Variants in POGLUT1 observed in about 807,000 individuals in gnomAD.
The protein encoded by POGLUT1 is 9630046K23Rik.
A neutral mutation model predicts 61.3 loss-of-function variants in POGLUT1; 32 were observed. The ratio of observed to expected loss-of-function variants is 0.52; its 90% CI spans 0.39 to 0.70. The LOEUF (loss-of-function observed/expected upper bound fraction) is 0.70, where lower values mean the gene tolerates loss of function less well. Ranked by LOEUF, POGLUT1 falls within the 30% of genes least tolerant of loss-of-function variation. POGLUT1 has a pLI of 0.00. For synonymous variants in POGLUT1, 158 were observed against 158.2 expected, an observed-to-expected ratio of 1.00 and a Z score of 0.01; for missense variants, 411 against 469.8, an observed-to-expected ratio of 0.87 and a Z score of 1.16.
chr3:119,470,806 T>C (rs550159993), intron 2 of POGLUT1, among the ~76,000 whole-genome samples: 1 of 152,348 alleles, frequency 6.6e-6, no homozygotes, highest in South Asian at 2.1e-4. Context: ...ATGATACTTA[T>C]TGAAAACTTA....
intron 5 of POGLUT1, among the ~76,000 whole-genome samples, chr3:119,482,690 T>C (rs2081620130): frequency 6.6e-6 from 1 of 152,248 alleles, no homozygotes; most frequent in African/African-American, 2.4e-5. Flanking sequence ...TGTTCATTTG[T>C]TACCTTGAAA....
chr3:119,475,211 C>T (rs1405195681), intron 3 of POGLUT1, among the ~76,000 whole-genome samples: 5 of 152,188 alleles, frequency 3.3e-5, no homozygotes, highest in Non-Finnish European at 7.3e-5. Context: ...CAAAATAAAA[C>T]ATGCTGTCTT....
intron 4 of POGLUT1, 180 bp from the exon 5 acceptor site, chr3:119,479,871 T>A: frequency 1.4e-6 from 2 of 1,469,186 alleles, no homozygotes; most frequent in Non-Finnish European, 1.8e-6. Flanking sequence ...CCCATGACTT[T>A]TAATCCATAG....
At chr3:119,475,411 A>G (rs2081523655) in intron 3 of POGLUT1, among the ~76,000 whole-genome samples, 2 of 152,250 alleles carry the variant, frequency 1.3e-5, no homozygotes, top group African/African-American at 4.8e-5. Flanking sequence ...GGATAACGCA[A>G]GCAATGCTGC....
chr3:119,470,867 C>T (rs760780871), intron 2 of POGLUT1, among the ~76,000 whole-genome samples: 1 of 152,246 alleles, frequency 6.6e-6, no homozygotes, highest in Non-Finnish European at 1.5e-5. Flanking sequence ...TTGGTTACTG[C>T]TGTCACGCTA....
intron 4 of POGLUT1, chr3:119,479,788 C>G: frequency 1.7e-6 from 1 of 596,112 alleles, no homozygotes; most frequent in Non-Finnish European, 2.7e-6. Flanking sequence ...TATATATCCT[C>G]TAGAAAAACA....
Position 119,492,057 on chromosome 3 carries a change from A to AAAAT in POGLUT1, c.1023-201_1023-198dup, listed in dbSNP as rs71156748. Among the ~76,000 whole-genome samples the AAAAT allele has an allele frequency of 0.15, 21,918 of 150,396 alleles. 1,976 individuals carry two copies. The highest frequency in any genetic ancestry group is 0.2 in the Non-Finnish European group (13,270 of 67,574). The stretch of plus-strand genomic sequence containing the variant: ...CAACAAGAGCGAAACTCCGTCTCAA[A>AAAAT]AAATAAATAAATAAATAAATAAATA... On this transcript the variant is annotated intron_variant, in intron 10 of 10. Transcript: ENST00000295588.
chr3:119,490,868 T>A (rs922104516), intron 9 of POGLUT1, 150 bp downstream of exon 9: 3 of 639,964 alleles, frequency 4.7e-6, no homozygotes, highest in Non-Finnish European at 8.0e-6. Context: ...TTTGCATATA[T>A]AGTATTGCAT....
In POGLUT1 at chr3:119,492,375, T is replaced by C. The variant is rs2081760061; in HGVS notation, c.1116T>C (p.Tyr372=). 2.5e-6 allele frequency: 4 copies of C among 1,608,074 alleles called. No individual in the cohort carries two copies. Among genetic ancestry groups the C allele is most frequent in the South Asian group, 1.1e-5 (1 of 90,664 alleles). Residue 372 remains tyrosine (Y), a synonymous_variant, in exon 11 of 11, where the codon TAT becomes TAC. Transcript: ENST00000295588. ...GTGAATACTCTAAATTCCTGTCTTA[T>C]AATGTAACGAGAAGGAAAGGTTATG... ...LLSEYSKFLS[Y]NVTRRKGYDQ... is the part of the protein sequence containing the mutation.
At position 119,492,330 on chromosome 3, in the gene POGLUT1, TTAC is replaced by T; in HGVS notation, c.1073_1075del (p.Tyr358del). 1.2e-6 allele frequency: 2 copies of T among 1,611,010 alleles called. No homozygotes were observed. The highest frequency in any genetic ancestry group is 1.7e-6 in the Non-Finnish European group (2 of 1,177,702). ...ATTTGCAGATGGATGACATCACCTG[TTAC>T]TGGGAGAACCTCTTGAGTGAATACT... On this transcript the variant is annotated inframe_deletion, in exon 11 of 11. Transcript: ENST00000295588.
chr3:119,478,000 T>G (rs1577080078), intron 4 of POGLUT1: 4 of 231,900 alleles, frequency 1.7e-5, no homozygotes, highest in East Asian at 1.2e-4. Flanking sequence ...TGCAAGGGGG[T>G]GATCTTTTAG....
chr3:119,475,981 CACACACACACACAAACACAT>C (rs1242994295), intron 3 of POGLUT1, among the ~76,000 whole-genome samples: 12 of 126,164 alleles, frequency 9.5e-5, no homozygotes, highest in East Asian at 5.6e-4. Flanking sequence ...CACACACACA[CACACACACACACAAACACAT>C]ACAGAGTTGC....
intron 8 of POGLUT1, 184 bp from the exon 9 acceptor site, chr3:119,490,367 C>A: frequency 1.7e-6 from 1 of 598,786 alleles, no homozygotes; most frequent in Non-Finnish European, 3.0e-6. Context: ...GTAGTCCTAG[C>A]CCTGGTAAAG....
chr3:119,486,994 C>CA, intron 7 of POGLUT1, 62 bp downstream of exon 7: 1 of 1,060,680 alleles, frequency 9.4e-7, no homozygotes, highest in Non-Finnish European at 1.5e-6. Flanking sequence ...AGAACATTGC[C>CA]ACCTGGGTAG....
At position 119,469,009 on chromosome 3, in the gene POGLUT1, A is replaced by G; in HGVS notation, c.-13A>G. 6.2e-7 allele frequency: 1 copy of G among 1,603,782 alleles called. No homozygotes were observed. Among genetic ancestry groups the G allele is most frequent in the Non-Finnish European group, 8.5e-7 (1 of 1,176,068 alleles). ...AGCGCCGCAGCGGGGAATCTGCAGT[A>G]GGTCTGCCGGCGATGGAGTGGTGGG... On this transcript the variant is annotated 5_prime_UTR_variant, in exon 1 of 11. Transcript: ENST00000295588.
Position 119,493,020 on chromosome 3 carries a change from G to C in POGLUT1, c.*582G>C, listed in dbSNP as rs1938. ...GTTCTCTTTTGTAAAACCATAAACT[G>C]TGTTACTCAGGAGGTTTCTATAATG... On this transcript the variant is annotated 3_prime_UTR_variant, in exon 11 of 11. Coordinates refer to ENST00000295588, the MANE Select transcript of POGLUT1 (RefSeq NM_152305.3). 0.37 allele frequency: 56,718 copies of C among 152,206 alleles called. 11,804 individuals carry two copies. The highest frequency in any genetic ancestry group is 0.57 in the African/African-American group (23,611 of 41,364). 9.4% of individuals were successfully genotyped at this position (152,206 alleles called of 1,614,324 possible).
intron 9 of POGLUT1, 61 bp from the exon 10 acceptor site, chr3:119,491,457 T>G (rs958222627): frequency 1.3e-6 from 1 of 757,884 alleles, no homozygotes; most frequent in Non-Finnish European, 2.2e-6. Context: ...ATATCGTCTT[T>G]CTGACTTAGT....
Position 119,492,458 on chromosome 3 carries a change from G to GAC in POGLUT1, c.*20_*21insAC, listed in dbSNP as rs1183565891. On this transcript the variant is annotated 3_prime_UTR_variant, in exon 11 of 11. Transcript: ENST00000295588. ...CTATAGTAGTCATCATAGGACCATA[G>GAC]TCCTCTTTGTGGCAACAGATCTCAG... 1 of 1,505,760 alleles carries GAC rather than the reference G, an allele frequency of 6.6e-7. No homozygotes were observed. Among genetic ancestry groups the GAC allele is most frequent in the Non-Finnish European group, 9.0e-7 (1 of 1,111,746 alleles). 93.3% of individuals were successfully genotyped at this position (1,505,760 alleles called of 1,614,324 possible).
intron 6 of POGLUT1, among the ~76,000 whole-genome samples, chr3:119,485,856 A>G (rs183380934): frequency 2.2e-4 from 33 of 152,348 alleles, no homozygotes; most frequent in African/African-American, 6.7e-4. Context: ...AGAAGGGAGC[A>G]GGGAGGAAAG....
Sources: allele counts gnomAD v4.1 joint callset (sites outside exome capture counted in the v4.1 genomes callset), GRCh38; gene constraint gnomAD v4.1.1; transcripts MANE v1.5; gene names NCBI Gene and HGNC (gene_info 2026-07-23, HGNC 2026-07-21).